The following SLC24A4 variants were observed in gnomAD, a reference collection of about 807,000 sequenced individuals.
The protein encoded by SLC24A4 is sodium/potassium/calcium exchanger 4.
SLC24A4 carries 53 observed loss-of-function variants against 79.0 expected under a neutral mutation model. The ratio of observed to expected loss-of-function variants is 0.67; its 90% CI spans 0.54 to 0.84. The LOEUF is 0.84. Ranked by LOEUF, SLC24A4 falls within the 40% of genes least tolerant of loss-of-function variation. The pLI is 0.00. For synonymous variants in SLC24A4, 323 were observed against 323.8 expected (o/e 1.00, Z 0.03); for missense variants, 731 against 822.0 (o/e 0.89, Z 1.35).
chr14:92,487,366 ACAGATCTTCCT>A (rs1460902344), intron 14 of SLC24A4, among the ~76,000 whole-genome samples: 1 of 152,190 alleles, frequency 6.6e-6, no homozygotes, highest in Non-Finnish European at 1.5e-5. Flanking sequence ...ATGGACATCC[ACAGATCTTCCT>A]CACAGCACAG....
chr14:92,439,188 C>T (rs973182669), intron 3 of SLC24A4, 147 bp from the exon 4 acceptor site: 13 of 624,422 alleles, frequency 2.1e-5, no homozygotes, highest in Middle Eastern at 3.2e-4. Flanking sequence ...ATTGAGGGAA[C>T]GAAATCTATG....
chr14:92,405,075 A>C (rs2141773075), intron 2 of SLC24A4, among the ~76,000 whole-genome samples: 1 of 152,290 alleles, frequency 6.6e-6, no homozygotes, highest in Non-Finnish European at 1.5e-5. Flanking sequence ...GTGATGAAGT[A>C]CTTGCTGACT....
Position 92,398,607 on chromosome 14 carries a change from C to T in SLC24A4, c.242-35305C>T, listed in dbSNP as rs563737447. ...CTCCCAGGACCACACCTGGCCAGGG[C>T]TGCTGGGACAGGCTCCTTCACATCT... is the stretch of plus-strand genomic sequence containing the variant. On this transcript the variant is annotated intron_variant, in intron 2 of 16. Coordinates refer to ENST00000532405, the MANE Select transcript of SLC24A4 (RefSeq NM_153646.4). This position sits in a 1 kb window ranked among gnomAD's most constrained non-coding sequence, Gnocchi z 4.1. Among the ~76,000 whole-genome samples the T allele has an allele frequency of 6.6e-6, 1 of 152,326 alleles. No homozygotes were observed. Among genetic ancestry groups the T allele is most frequent in the East Asian group, 1.9e-4 (1 of 5,192 alleles).
intron 2 of SLC24A4, among the ~76,000 whole-genome samples, chr14:92,385,510 AT>A (rs1218421511): frequency 2.6e-5 from 4 of 151,630 alleles, no homozygotes; most frequent in Non-Finnish European, 5.9e-5. Flanking sequence ...AAAAAAAAAA[AT>A]CATGCAATGT....
chr14:92,350,514 T>C (rs1886806240), intron 2 of SLC24A4, among the ~76,000 whole-genome samples: 1 of 152,156 alleles, frequency 6.6e-6, no homozygotes, highest in African/African-American at 2.4e-5. Flanking sequence ...TTGGGTACCA[T>C]CCCTAAGGAC....
intron 10 of SLC24A4, chr14:92,453,151 T>A (rs2139841202): frequency 6.6e-6 from 1 of 152,250 alleles, no homozygotes; most frequent in East Asian, 1.9e-4. Context: ...GACAGGGAGT[T>A]TTGTTCCTCC....
intron 2 of SLC24A4, among the ~76,000 whole-genome samples, chr14:92,336,028 T>C (rs571773599): frequency 6.6e-5 from 10 of 152,186 alleles, no homozygotes; most frequent in South Asian, 2.1e-4. Context: ...TGATCGGGGC[T>C]ATCTGCTTGC....
At chr14:92,444,985 C>T (rs1892718163) in intron 7 of SLC24A4, among the ~76,000 whole-genome samples, 1 of 150,996 alleles carries the variant, frequency 6.6e-6, no homozygotes, top group South Asian at 2.1e-4. Flanking sequence ...AGCTATCTTT[C>T]AGTCTTTGAG....
chr14:92,428,448 T>C (rs1891686217), intron 2 of SLC24A4, among the ~76,000 whole-genome samples: 1 of 151,888 alleles, frequency 6.6e-6, no homozygotes, highest in African/African-American at 2.4e-5. Context: ...TGGGAGGAAA[T>C]AGAGAAGGAC....
chr14:92,387,838 A>G (rs551416697), intron 2 of SLC24A4, among the ~76,000 whole-genome samples: 10 of 152,298 alleles, frequency 6.6e-5, no homozygotes, highest in Non-Finnish European at 1.3e-4. Flanking sequence ...AGCGTATTTC[A>G]CTTAGCATGA....
At chr14:92,402,513 T>G (rs1171172453) in intron 2 of SLC24A4, among the ~76,000 whole-genome samples, 1 of 152,100 alleles carries the variant, frequency 6.6e-6, no homozygotes, top group Non-Finnish European at 1.5e-5. Context: ...TGTTATTCCT[T>G]TGGAGATGAG....
At chr14:92,362,781 G>A (rs566813331) in intron 2 of SLC24A4, among the ~76,000 whole-genome samples, 10 of 152,210 alleles carry the variant, frequency 6.6e-5, no homozygotes, top group Non-Finnish European at 4.4e-5. Flanking sequence ...CTGGTGCCTG[G>A]GCTTGTGCTG....
At chr14:92,422,094 G>A (rs189766522) in intron 2 of SLC24A4, among the ~76,000 whole-genome samples, 115 of 152,258 alleles carry the variant, frequency 7.6e-4, no homozygotes, top group Non-Finnish European at 5.4e-4. Context: ...TATCCTTCTG[G>A]GTAGTACTCT....
chr14:92,373,066 G>A (rs570568148), intron 2 of SLC24A4, among the ~76,000 whole-genome samples: 5 of 147,918 alleles, frequency 3.4e-5, no homozygotes, highest in East Asian at 4.0e-4. Context: ...GCAGTGATGC[G>A]ATCTTGGCTC....
At chr14:92,456,773 A>C (rs367760340) in intron 12 of SLC24A4, among the ~76,000 whole-genome samples, 165 bp downstream of exon 12, 1 of 152,308 alleles carries the variant, frequency 6.6e-6, no homozygotes, top group East Asian at 1.9e-4. Flanking sequence ...ATCTGTCCTC[A>C]GTACTGAACT....
rs368028823 is a variant in SLC24A4, at chr14:92,434,017, A to G, written c.318+29A>G. 204 of 1,579,270 alleles carry G rather than the reference A, an allele frequency of 1.3e-4. 1 individual carries two copies. In the African/African-American group the frequency reaches 2.5e-3, roughly 20 times the overall value. ...AGTCGTCCTCCCAGAGTGGTCACAA[A>G]ACTTCTGGCACATGAAGCCTCTCTG... On this transcript the variant is annotated intron_variant, in intron 3 of 16. Transcript: ENST00000532405.
intron 2 of SLC24A4, among the ~76,000 whole-genome samples, chr14:92,359,038 A>G (rs76654921): frequency 6.6e-6 from 1 of 151,992 alleles, no homozygotes; most frequent in Non-Finnish European, 1.5e-5. Flanking sequence ...AGCCACCATC[A>G]TTTCTAACGG....
intron 2 of SLC24A4, among the ~76,000 whole-genome samples, chr14:92,390,277 T>C (rs1019407549): frequency 6.6e-6 from 1 of 151,918 alleles, no homozygotes; most frequent in Non-Finnish European, 1.5e-5. Context: ...CAATGAGGCA[T>C]ACCCACGCCA....
upstream of SLC24A4, among the ~76,000 whole-genome samples, chr14:92,322,800 G>C (rs1884865246): frequency 6.6e-6 from 1 of 152,114 alleles, no homozygotes; most frequent in Non-Finnish European, 1.5e-5. Context: ...GGCGGGGTGG[G>C]GAGGGGGTGT....
Sources: gnomAD v4.1 joint callset for allele counts (sites outside exome capture counted in the v4.1 genomes callset) on GRCh38, gnomAD v4.1.1 for gene constraint, Gnocchi (gnomAD v3.1) non-coding constraint, MANE v1.5 for transcripts, NCBI Gene and HGNC (gene_info 2026-07-23, HGNC 2026-07-21) for gene names.